FHOD3: variants seen among roughly 807,000 people sequenced by gnomAD.
The protein encoded by FHOD3 is formin homology 2 domain containing 3, also known as FH1/FH2 domain-containing protein 3.
Under a neutral mutation model 173.0 loss-of-function variants are expected in FHOD3, and 90 were observed. The ratio of observed to expected loss-of-function variants is 0.52; its 90% confidence interval spans 0.44 to 0.62. The LOEUF is 0.62. Ranked by LOEUF, FHOD3 falls within the 20% of genes least tolerant of loss-of-function variation. The pLI is 0.00. For missense variants in FHOD3, 1,945 were observed against 2,034.7 expected, an observed-to-expected ratio of 0.96 and a Z score of 0.85; for synonymous variants, 828 against 823.0, an observed-to-expected ratio of 1.01 and a Z score of -0.10.
chr18:36,670,633 T>G (rs573598416), intron 14 of FHOD3, among the ~76,000 whole-genome samples: 1 of 152,338 alleles, frequency 6.6e-6, no homozygotes, highest in East Asian at 1.9e-4. Flanking sequence ...CCCCAACTAA[T>G]TCTATCATCT....
intron 18 of FHOD3, chr18:36,710,093 G>A (rs938056519): frequency 2.0e-5 from 3 of 152,076 alleles, no homozygotes; most frequent in African/African-American, 7.2e-5. Context: ...TTAGAATTAG[G>A]GACCAAATGG....
chr18:36,447,615 G>C (rs748042115), intron 3 of FHOD3, among the ~76,000 whole-genome samples: 1 of 152,218 alleles, frequency 6.6e-6, no homozygotes, highest in African/African-American at 2.4e-5. Flanking sequence ...GGCTGGGGGA[G>C]ATTGGAGGCT....
chr18:36,499,655 C>T (rs959184631), intron 3 of FHOD3, among the ~76,000 whole-genome samples: 5 of 152,102 alleles, frequency 3.3e-5, no homozygotes, highest in African/African-American at 1.2e-4. Flanking sequence ...CTACTCCAGG[C>T]GTGATGCAGT....
chr18:36,477,543 C>CTA (rs1258371975), intron 3 of FHOD3, among the ~76,000 whole-genome samples: 120 of 44,220 alleles, frequency 2.7e-3, no homozygotes, highest in South Asian at 3.4e-3. Context: ...ACCCACCCAC[C>CTA]CACCTACCTA....
rs1247953205 is a variant in FHOD3, at chr18:36,717,819, C to A, written c.2534-13C>A. The A allele has an allele frequency of 6.5e-7, 1 of 1,549,470 alleles. No homozygotes were observed. Among genetic ancestry groups the A allele is most frequent in the South Asian group, 1.3e-5 (1 of 79,410 alleles). ...TTGCCCCTTTCTCATTTTTCTCTCC[C>A]ATGTACTTTCAGGTTTGTGGCCCGC... On this transcript the variant is annotated splice_polypyrimidine_tract_variant and intron_variant, in intron 18 of 28. Transcript: ENST00000590592.
At chr18:36,419,897 G>A (rs575836074) in intron 3 of FHOD3, among the ~76,000 whole-genome samples, 3 of 152,366 alleles carry the variant, frequency 2.0e-5, no homozygotes, top group African/African-American at 7.2e-5. Flanking sequence ...CGCTAGCTCT[G>A]GAGCATGGTC....
chr18:36,541,231 C>A (rs1467236843), intron 5 of FHOD3, among the ~76,000 whole-genome samples: 3 of 112,118 alleles, frequency 2.7e-5, no homozygotes, highest in African/African-American at 7.1e-5. Context: ...AGCCTAGCGA[C>A]AGAGCGAGAC....
intron 3 of FHOD3, among the ~76,000 whole-genome samples, chr18:36,445,224 A>C (rs1177225201): frequency 6.6e-6 from 1 of 152,186 alleles, no homozygotes; most frequent in Non-Finnish European, 1.5e-5. Flanking sequence ...ATAGGCTTTG[A>C]GGCCAGTTCA....
chr18:36,505,883 C>A (rs943265682), intron 4 of FHOD3, among the ~76,000 whole-genome samples: 2 of 152,212 alleles, frequency 1.3e-5, no homozygotes, highest in Non-Finnish European at 2.9e-5. Context: ...GCTGCAGGCA[C>A]ACATAAATGA....
intron 6 of FHOD3, among the ~76,000 whole-genome samples, chr18:36,581,903 G>T (rs2058866823): frequency 6.6e-6 from 1 of 152,162 alleles, no homozygotes; most frequent in Non-Finnish European, 1.5e-5. Flanking sequence ...GGTGGGAAGG[G>T]TTAGCTCAGT....
intron 18 of FHOD3, chr18:36,711,319 C>A (rs116993957): frequency 6.6e-6 from 1 of 152,156 alleles, no homozygotes; most frequent in African/African-American, 2.4e-5. Context: ...TATTCTCAAA[C>A]GTATTTCTAA....
chr18:36,720,747 T>C (rs866431431), intron 19 of FHOD3, among the ~76,000 whole-genome samples: 31 of 100,026 alleles, frequency 3.1e-4, no homozygotes, highest in South Asian at 1.1e-3. Flanking sequence ...TCCTCCTCCT[T>C]CTTCTCCTCC....
intron 3 of FHOD3, among the ~76,000 whole-genome samples, chr18:36,429,937 T>G (rs942377660): frequency 6.6e-6 from 1 of 152,088 alleles, no homozygotes. Flanking sequence ...GGGTGGAGTG[T>G]TCGACCAGAC....
At chr18:36,668,143 G>A (rs2037303981) in intron 14 of FHOD3, among the ~76,000 whole-genome samples, 1 of 152,132 alleles carries the variant, frequency 6.6e-6, no homozygotes, top group South Asian at 2.1e-4. Context: ...ATCTAAGACT[G>A]GAGCTTTCTT....
intron 14 of FHOD3, among the ~76,000 whole-genome samples, chr18:36,669,161 A>G (rs1225340956): frequency 6.6e-6 from 1 of 151,892 alleles, no homozygotes; most frequent in East Asian, 1.9e-4. Flanking sequence ...ATAAATATTT[A>G]CAATTGTTAT....
chr18:36,431,866 AGTT>A (rs1169712182), intron 3 of FHOD3, among the ~76,000 whole-genome samples: 1 of 152,240 alleles, frequency 6.6e-6, no homozygotes, highest in East Asian at 1.9e-4. Context: ...GAGAAAATAC[AGTT>A]GTTCCTTGAA....
chr18:36,660,284 A>G (rs2036701162), intron 14 of FHOD3, among the ~76,000 whole-genome samples: 1 of 152,172 alleles, frequency 6.6e-6, no homozygotes, highest in South Asian at 2.1e-4. Flanking sequence ...AAACAAAAAC[A>G]AAAAAGACTT....
chr18:36,585,780 G>A lies in FHOD3; in HGVS notation c.607-9007G>A, dbSNP rs191540550. Among the ~76,000 whole-genome samples, 106 of 152,362 alleles carry A rather than the reference G, an allele frequency of 7.0e-4. 2 individuals are homozygous for A. The highest frequency in any genetic ancestry group is 2.5e-3 in the Admixed American group (39 of 15,308). On this transcript the variant is annotated intron_variant, in intron 6 of 28. Transcript: ENST00000590592. ...CTGCCCCTGTAGCCCAGGGCAACCA[G>A]ATGAGTTTTAGCAGTTGGAGGAAGA...
At chr18:36,723,997 G>A (rs2040923401) in intron 19 of FHOD3, among the ~76,000 whole-genome samples, 1 of 152,164 alleles carries the variant, frequency 6.6e-6, no homozygotes, top group African/African-American at 2.4e-5. Flanking sequence ...TCTTTCCCAG[G>A]ATGCCTACTG....
Sources: gnomAD v4.1 joint callset for allele counts (sites outside exome capture counted in the v4.1 genomes callset) on GRCh38, gnomAD v4.1.1 for gene constraint, MANE v1.5 for transcripts, NCBI Gene and HGNC (gene_info 2026-07-23, HGNC 2026-07-21) for gene names.